The following DNMT3A variants were observed in gnomAD, a reference collection of about 807,000 sequenced individuals.
DNMT3A encodes the protein DNA methyltransferase 3 alpha.
In DNMT3A, 267 loss-of-function variants were observed where a neutral mutation model predicts 117.6. The observed-to-expected ratio is 2.27, with a 90% CI of 2.05 to 2.51. The LOEUF is 2.51. Among genes scored for constraint, DNMT3A ranks in the 30% most tolerant of loss-of-function variants. The pLI is 0.00. For synonymous variants in DNMT3A, 432 were observed against 474.8 expected (o/e 0.91, Z 1.17); for missense variants, 1,029 against 1,260.2 (o/e 0.82, Z 2.78).
chr2:25,243,933 A>T lies in DNMT3A; in HGVS notation c.1901T>A (p.Ile634Asn). The change falls in exon 16 of 23, where the codon ATC (isoleucine) becomes AAC (asparagine). Residue 634 changes from isoleucine (I) to asparagine (N), a missense_variant. Transcript: ENST00000321117. ...TCCATCAAAGAGAGACAGCACCCGG[A>T]TGGGCTTCCTCTTCTCAGCTGGGAC... is the stretch of plus-strand genomic sequence containing the variant. ...PPVPAEKRKPIRVLSLFDGIA... is the reference protein window; with the variant it reads ...PPVPAEKRKPNRVLSLFDGIA... 1.9e-6 allele frequency: 3 copies of T among 1,552,368 alleles called. No individual in the cohort carries two copies. The highest frequency in any genetic ancestry group is 2.6e-6 in the Non-Finnish European group (3 of 1,147,228).
intron 6 of DNMT3A, among the ~76,000 whole-genome samples, chr2:25,260,387 T>C (rs1676497777): frequency 6.6e-6 from 1 of 152,144 alleles, no homozygotes; most frequent in Non-Finnish European, 1.5e-5. Context: ...GTGGTTCTGG[T>C]GAGGTAACAC....
intron 3 of DNMT3A, among the ~76,000 whole-genome samples, chr2:25,287,030 G>C (rs867638474): frequency 6.6e-6 from 1 of 152,242 alleles, no homozygotes; most frequent in Non-Finnish European, 1.5e-5. Flanking sequence ...CAATTGATTC[G>C]TGAATGGCAA....
rs2032969941 is a variant in DNMT3A at position 25,294,488 on chromosome 2, G to C, written c.177+5651C>G. Among the ~76,000 whole-genome samples, 1 of 152,158 alleles carries C rather than the reference G, an allele frequency of 6.6e-6. No homozygotes were observed. Among genetic ancestry groups the C allele is most frequent in the Non-Finnish European group, 1.5e-5 (1 of 68,028 alleles). On this transcript the variant is annotated intron_variant, in intron 3 of 22. Coordinates refer to ENST00000321117, the MANE Select transcript of DNMT3A (RefSeq NM_022552.5). The surrounding 1 kb of genome is among the most constrained non-coding windows in gnomAD (Gnocchi z 4.7). The stretch of plus-strand genomic sequence containing the variant: ...GGGTGGGCCAAGGGCTGCAGCCCAG[G>C]AGTGGGAGACACGATGTCAGGAAGT...
chr2:25,256,287 G>A (rs1466917745), intron 6 of DNMT3A, among the ~76,000 whole-genome samples: 2 of 152,082 alleles, frequency 1.3e-5, no homozygotes, highest in Non-Finnish European at 2.9e-5. Flanking sequence ...CACGAATCTG[G>A]AGGCCTCCGT....
At chr2:25,314,714 G>A (rs1160852756) in intron 1 of DNMT3A, 4 of 985,396 alleles carry the variant, frequency 4.1e-6, no homozygotes, top group Non-Finnish European at 4.8e-6. Flanking sequence ...TGCAGGCCTG[G>A]TTGGCTCTGG....
chr2:25,265,127 GA>G (rs999356089), intron 6 of DNMT3A, among the ~76,000 whole-genome samples: 2 of 152,180 alleles, frequency 1.3e-5, no homozygotes, highest in African/African-American at 4.8e-5. Context: ...ACATGGTCAT[GA>G]AAAAACAGCA....
chr2:25,253,940 C>T (rs1233107819), intron 6 of DNMT3A, among the ~76,000 whole-genome samples: 6 of 152,178 alleles, frequency 3.9e-5, no homozygotes, highest in East Asian at 1.9e-4. Flanking sequence ...GGCGTGGTGG[C>T]GTGCGCCAGT....
chr2:25,270,043 C>T (rs567882821), intron 6 of DNMT3A, among the ~76,000 whole-genome samples: 1 of 152,298 alleles, frequency 6.6e-6, no homozygotes, highest in Non-Finnish European at 1.5e-5. Context: ...AGGGCTGGTG[C>T]AGCCTGGGGT....
chr2:25,325,519 A>G (rs922346153), intron 1 of DNMT3A, among the ~76,000 whole-genome samples: 1 of 152,168 alleles, frequency 6.6e-6, no homozygotes, highest in African/African-American at 2.4e-5. Context: ...TCTATCACTT[A>G]GTCCCCTGCG....
chr2:25,324,043 G>C (rs535899737), intron 1 of DNMT3A, among the ~76,000 whole-genome samples: 1 of 152,132 alleles, frequency 6.6e-6, no homozygotes, highest in Admixed American at 6.5e-5. Context: ...CTTTGGGCAC[G>C]GACTGGCCAG....
At chr2:25,325,751 GA>G (rs1187577510) in intron 1 of DNMT3A, among the ~76,000 whole-genome samples, 1 of 152,200 alleles carries the variant, frequency 6.6e-6, no homozygotes, top group Non-Finnish European at 1.5e-5. Context: ...TTACCAAGGA[GA>G]AAACTGGATT....
rs1573452132 is a variant in DNMT3A at position 25,298,654 on chromosome 2, G to T, written c.177+1485C>A. On this transcript the variant is annotated intron_variant, in intron 3 of 22. Transcript: ENST00000321117. This position sits in a 1 kb window ranked among gnomAD's most constrained non-coding sequence, Gnocchi z 4.3. ...CCATTAAGGTGCCCTGTGGGCAGAG[G>T]AGGGTGCAGGGGCCCTGGGAATCTG... 1.3e-5 allele frequency among the ~76,000 whole-genome samples: 2 copies of T among 152,308 alleles called. No homozygotes were observed. Among genetic ancestry groups the T allele is most frequent in the Admixed American group, 1.3e-4 (2 of 15,308 alleles).
rs1334823702 is a variant in DNMT3A at position 25,304,704 on chromosome 2, G to C, written c.73-4461C>G. ...ATGTGCAGGGCGGTCCCCAGGATTTGGCTGGATCGCCTTGGTCTCTTCTCC... is the reference window on the plus strand; with the variant it reads ...ATGTGCAGGGCGGTCCCCAGGATTTCGCTGGATCGCCTTGGTCTCTTCTCC... On this transcript the variant is annotated intron_variant, in intron 2 of 22. Coordinates refer to ENST00000321117, the MANE Select transcript of DNMT3A (RefSeq NM_022552.5). The surrounding 1 kb of genome is among the most constrained non-coding windows in gnomAD (Gnocchi z 4.3). Among the ~76,000 whole-genome samples, 1 of 152,242 alleles carries C rather than the reference G, an allele frequency of 6.6e-6. No homozygotes were observed.
rs535371934 is a variant in DNMT3A at position 25,289,395 on chromosome 2, C to T, written c.178-6684G>A. Reference sequence around the variant, plus strand: ...GATTACAGGCGTGAGCCACCGCACCCGGCCAATCTTATTTAACTTTGTAGG... The same window carrying T: ...GATTACAGGCGTGAGCCACCGCACCTGGCCAATCTTATTTAACTTTGTAGG... On this transcript the variant is annotated intron_variant, in intron 3 of 22. Coordinates refer to ENST00000321117, the MANE Select transcript of DNMT3A (RefSeq NM_022552.5). 2.3e-4 allele frequency among the ~76,000 whole-genome samples: 35 copies of T among 152,308 alleles called. 1 individual carries two copies. The East Asian group carries it at 6.2e-3, about 27-fold the overall frequency.
At chr2:25,287,638 C>T (rs1035178087) in intron 3 of DNMT3A, among the ~76,000 whole-genome samples, 1 of 152,064 alleles carries the variant, frequency 6.6e-6, no homozygotes, top group African/African-American at 2.4e-5. Flanking sequence ...TGTGTGAAGA[C>T]ATTTTTGGCT....
intron 1 of DNMT3A, among the ~76,000 whole-genome samples, chr2:25,321,057 T>C (rs910083248): frequency 2.0e-5 from 3 of 151,854 alleles, no homozygotes; most frequent in East Asian, 3.9e-4. Context: ...CACTTGAACC[T>C]GGGAGGCGGA....
chr2:25,321,066 GA>G (rs1344448712), intron 1 of DNMT3A, among the ~76,000 whole-genome samples: 1 of 151,986 alleles, frequency 6.6e-6, no homozygotes, highest in Non-Finnish European at 1.5e-5. Context: ...CTGGGAGGCG[GA>G]GGTTGCGGTG....
At position 25,241,618 on chromosome 2, in the gene DNMT3A, G is replaced by GCACCA; in HGVS notation, c.2021_2025dup (p.Arg676TrpfsTer31). 6.2e-7 allele frequency: 1 copy of GCACCA among 1,613,878 alleles called. No individual in the cohort carries two copies. The highest frequency in any genetic ancestry group is 8.5e-7 in the Non-Finnish European group (1 of 1,179,934). ...ACGTACATGATCTTCCCCTGGTGCC[G>GCACCA]CACCATGCCCACCGTGATGGAGTCC... On this transcript the variant is annotated frameshift_variant, in exon 17 of 23. Coordinates refer to ENST00000321117, the MANE Select transcript of DNMT3A (RefSeq NM_022552.5). LOFTEE classifies it high-confidence loss of function.
At chr2:25,273,563 C>T (rs2031129290) in intron 6 of DNMT3A, among the ~76,000 whole-genome samples, 1 of 152,174 alleles carries the variant, frequency 6.6e-6, no homozygotes, top group Non-Finnish European at 1.5e-5. Flanking sequence ...GCTAGGTCAC[C>T]ACCCACTTCT....
Sources: allele counts gnomAD v4.1 joint callset (sites outside exome capture counted in the v4.1 genomes callset), GRCh38; gene constraint gnomAD v4.1.1; non-coding constraint Gnocchi (gnomAD v3.1); transcripts MANE v1.5; gene names NCBI Gene and HGNC (gene_info 2026-07-23, HGNC 2026-07-21).